Variants in CSPP1 observed in about 807,000 individuals in gnomAD.
CSPP1 encodes the protein centrosome and spindle pole-associated protein 1.
In CSPP1, 126 loss-of-function variants were observed where a neutral mutation model predicts 164.4. The ratio of observed to expected loss-of-function variants is 0.77; its 90% CI spans 0.66 to 0.89. CSPP1 has a LOEUF of 0.89. Among genes scored for constraint, CSPP1 ranks in the 40% least tolerant of loss-of-function variants. CSPP1 has a pLI of 0.00. For missense variants in CSPP1, 1,395 were observed against 1,449.8 expected (o/e 0.96, Z 0.61); for synonymous variants, 472 against 476.7 (o/e 0.99, Z 0.13).
At chr8:67,116,287 TA>T (rs1287084396) in intron 13 of CSPP1, among the ~76,000 whole-genome samples, 165 bp downstream of exon 13, 1 of 152,060 alleles carries the variant, frequency 6.6e-6, no homozygotes, top group South Asian at 2.1e-4. Flanking sequence ...TCTGCTATTA[TA>T]AAAAAAGGGA....
At chr8:67,078,992 G>A in intron 3 of CSPP1, among the ~76,000 whole-genome samples, 1 of 152,084 alleles carries the variant, frequency 6.6e-6, no homozygotes, top group South Asian at 2.1e-4. Flanking sequence ...AAGAGTAGTT[G>A]TTTGAATTGT....
chr8:67,136,568 CAAAAAAAAAAAAAAAA>C (rs35184133), intron 16 of CSPP1, among the ~76,000 whole-genome samples: 4 of 27,686 alleles, frequency 1.4e-4, no homozygotes, highest in Admixed American at 4.2e-4. Flanking sequence ...GACTCCGTCT[CAAAAAAAAAAAAAAAA>C]AAAAAAAAAA....
intron 24 of CSPP1, among the ~76,000 whole-genome samples, chr8:67,170,304 AAAATT>A (rs1830226237): frequency 1.3e-5 from 2 of 151,818 alleles, no homozygotes; most frequent in Non-Finnish European, 2.9e-5. Context: ...AAAAAAAAAA[AAAATT>A]AGCCGAGTGT....
At chr8:67,123,910 T>G (rs1456348711) in intron 15 of CSPP1, among the ~76,000 whole-genome samples, 1 of 151,338 alleles carries the variant, frequency 6.6e-6, no homozygotes, top group Non-Finnish European at 1.5e-5. Flanking sequence ...AGGCTCTTTT[T>G]TTTTTTTTTA....
At chr8:67,157,726 T>TG (rs1388050201) in intron 19 of CSPP1, 1 of 152,310 alleles carries the variant, frequency 6.6e-6, no homozygotes, top group Admixed American at 6.5e-5. Context: ...GTTCCCATGC[T>TG]GCTGTTCTTC....
chr8:67,172,822 A>G (rs1639034658), intron 25 of CSPP1: 1 of 268,406 alleles, frequency 3.7e-6, no homozygotes, highest in African/African-American at 2.2e-5. Flanking sequence ...TAGTACGAAG[A>G]ATGGAACTTG....
intron 17 of CSPP1, 63 bp from the exon 18 acceptor site, chr8:67,149,720 T>C: frequency 1.7e-6 from 2 of 1,165,504 alleles, no homozygotes; most frequent in East Asian, 5.6e-5. Context: ...TAAGAAAATA[T>C]ATTTTGCATG....
intron 17 of CSPP1, among the ~76,000 whole-genome samples, chr8:67,140,369 G>A (rs753493861): frequency 1.3e-5 from 2 of 152,190 alleles, no homozygotes; most frequent in Non-Finnish European, 2.9e-5. Context: ...ACAGGTGTGA[G>A]CCACTGTGCC....
chr8:67,143,701 C>G (rs1420892571), intron 17 of CSPP1, among the ~76,000 whole-genome samples: 1 of 152,064 alleles, frequency 6.6e-6, no homozygotes, highest in East Asian at 1.9e-4. Context: ...TAAAATGTTA[C>G]ATTAAAAAAT....
Position 67,195,370 on chromosome 8 carries a change from TG to T in CSPP1, c.3470-11del. On this transcript the variant is annotated splice_polypyrimidine_tract_variant and intron_variant, in intron 30 of 30. Coordinates refer to ENST00000678616, the MANE Select transcript of CSPP1 (RefSeq NM_001382391.1). Reference sequence around the variant, plus strand: ...TGTGTTACCTGAGCCACGTGTCCCTTGCCTCCTGTAGATGATGAGAGTTCAC... The same window carrying T: ...TGTGTTACCTGAGCCACGTGTCCCTTCCTCCTGTAGATGATGAGAGTTCAC... The T allele has an allele frequency of 6.2e-7, 1 of 1,604,888 alleles. No individual in the cohort carries two copies. The highest frequency in any genetic ancestry group is 8.5e-7 in the Non-Finnish European group (1 of 1,171,932).
chr8:67,149,380 A>T (rs971714430), intron 17 of CSPP1, among the ~76,000 whole-genome samples: 1 of 152,226 alleles, frequency 6.6e-6, no homozygotes, highest in African/African-American at 2.4e-5. Context: ...TTGTGAATAT[A>T]TTTTAAAACT....
chr8:67,137,641 A>G, intron 17 of CSPP1, 38 bp downstream of exon 17: 1 of 1,393,002 alleles, frequency 7.2e-7, no homozygotes, highest in Admixed American at 2.6e-5. Context: ...AAAATAAGCT[A>G]AATTATTTTT....
intron 19 of CSPP1, among the ~76,000 whole-genome samples, chr8:67,158,145 C>A (rs2129560040): frequency 1.3e-5 from 2 of 152,272 alleles, no homozygotes; most frequent in South Asian, 4.1e-4. Flanking sequence ...CACTTTAATT[C>A]TTTAAGCACT....
chr8:67,138,649 A>G (rs1313228363), intron 17 of CSPP1, among the ~76,000 whole-genome samples: 2 of 152,030 alleles, frequency 1.3e-5, no homozygotes, highest in Admixed American at 1.3e-4. Flanking sequence ...GGTGTTATGT[A>G]TTGTAGGAAT....
At chr8:67,177,523 G>A (rs957008396) in intron 26 of CSPP1, among the ~76,000 whole-genome samples, 157 bp from the exon 27 acceptor site, 1 of 152,208 alleles carries the variant, frequency 6.6e-6, no homozygotes, top group African/African-American at 2.4e-5. Flanking sequence ...GCAGGGCTAT[G>A]TTTTTTAATA....
intron 12 of CSPP1, chr8:67,114,817 G>A (rs950642147): frequency 3.3e-5 from 5 of 152,204 alleles, no homozygotes; most frequent in Non-Finnish European, 5.9e-5. Context: ...GTGTGTGACA[G>A]ACCTTATTTA....
intron 21 of CSPP1, among the ~76,000 whole-genome samples, chr8:67,159,950 CTTCCTTCTTTCTTTTCTTTTCTT>C (rs1438623607): frequency 6.6e-4 from 18 of 27,476 alleles, no homozygotes; most frequent in South Asian, 1.5e-3. Flanking sequence ...TCCTTCCTTC[CTTCCTTCTTTCTTTTCTTTTCTT>C]TTCTTTTCTT....
chr8:67,142,330 G>T (rs1304060592), intron 17 of CSPP1, among the ~76,000 whole-genome samples: 1 of 152,128 alleles, frequency 6.6e-6, no homozygotes, highest in Admixed American at 6.5e-5. Context: ...GTATCTCATA[G>T]TTCCAATTGA....
chr8:67,162,993 A>G (rs1828670415), intron 22 of CSPP1, among the ~76,000 whole-genome samples: 1 of 152,214 alleles, frequency 6.6e-6, no homozygotes, highest in Non-Finnish European at 1.5e-5. Context: ...ATGAGTGTCT[A>G]CAAGAGAAGT....
Sources: allele counts gnomAD v4.1 joint callset (sites outside exome capture counted in the v4.1 genomes callset), GRCh38; gene constraint gnomAD v4.1.1; transcripts MANE v1.5; gene names NCBI Gene and HGNC (gene_info 2026-07-23, HGNC 2026-07-21).